The following HSD17B12 variants were observed in gnomAD, a reference collection of about 807,000 sequenced individuals.
The protein encoded by HSD17B12 is hydroxysteroid 17-beta dehydrogenase 12.
Under a neutral mutation model 39.3 loss-of-function variants are expected in HSD17B12, and 32 were observed. That is an observed-to-expected ratio of 0.81 (90% confidence interval 0.61 to 1.09). HSD17B12 has a LOEUF of 1.09. Among genes scored for constraint, HSD17B12 ranks in the 50% least tolerant of loss-of-function variants. The probability of loss-of-function intolerance (pLI) is 0.00; values close to 1 mark genes in which losing one functional copy is unlikely to be tolerated. For missense variants in HSD17B12, 342 were observed against 382.9 expected, an observed-to-expected ratio of 0.89 and a Z score of 0.89; for synonymous variants, 150 against 146.7, an observed-to-expected ratio of 1.02 and a Z score of -0.16.
At chr11:43,716,250 C>A (rs745583041) in intron 1 of HSD17B12, among the ~76,000 whole-genome samples, 2 of 152,060 alleles carry the variant, frequency 1.3e-5, no homozygotes, top group Non-Finnish European at 1.5e-5. Context: ...AATGGAGGGA[C>A]TGATGAAAAC....
intron 1 of HSD17B12, chr11:43,719,269 A>G (rs1029021564): frequency 2.0e-6 from 1 of 495,676 alleles, no homozygotes; most frequent in Non-Finnish European, 3.7e-6. Flanking sequence ...GGGCTTGGTC[A>G]AGACTCTTGT....
chr11:43,611,710 C>T, the HSD17B12 span, among the ~76,000 whole-genome samples: 2 of 152,168 alleles, frequency 1.3e-5, no homozygotes, highest in Non-Finnish European at 2.9e-5. Context: ...GTCAAGATGC[C>T]TCTAAAGGAT....
chr11:43,720,335 A>G (rs1950165370), intron 1 of HSD17B12, among the ~76,000 whole-genome samples: 1 of 152,248 alleles, frequency 6.6e-6, no homozygotes, highest in African/African-American at 2.4e-5. Context: ...AAATATCTTT[A>G]GCCAGTCAAT....
intron 3 of HSD17B12, among the ~76,000 whole-genome samples, chr11:43,768,087 T>G (rs561069031): frequency 6.6e-6 from 1 of 152,324 alleles, no homozygotes; most frequent in East Asian, 1.9e-4. Context: ...CACAACTAAC[T>G]GAGTTCTAAT....
At chr11:43,730,517 GA>G (rs917666939) in intron 1 of HSD17B12, among the ~76,000 whole-genome samples, 17 of 151,392 alleles carry the variant, frequency 1.1e-4, no homozygotes, top group Admixed American at 9.9e-4. Context: ...TCAGGGATGA[GA>G]AAAAAAAATT....
chr11:43,718,295 C>A (rs1053570517), intron 1 of HSD17B12, among the ~76,000 whole-genome samples: 1 of 152,224 alleles, frequency 6.6e-6, no homozygotes, highest in African/African-American at 2.4e-5. Flanking sequence ...TATCAATTCA[C>A]ATTTCTTCCA....
Position 43,839,992 on chromosome 11 carries a change from C to G in HSD17B12, c.619-7C>G, listed in dbSNP as rs374303276. The G allele has an allele frequency of 5.6e-6, 9 of 1,611,312 alleles. No individual in the cohort carries two copies. The highest frequency in any genetic ancestry group is 1.3e-5 in the African/African-American group (1 of 74,774). On this transcript the variant is annotated splice_region_variant and splice_polypyrimidine_tract_variant and intron_variant, in intron 8 of 10. Coordinates refer to ENST00000278353, the MANE Select transcript of HSD17B12 (RefSeq NM_016142.3). ...GTGTTTTCTTCTCACTCCCACTCCCCTCCCAGACTTTTGTAGATTTCTTCT... is the reference window on the plus strand; with the variant it reads ...GTGTTTTCTTCTCACTCCCACTCCCGTCCCAGACTTTTGTAGATTTCTTCT...
intron 1 of HSD17B12, among the ~76,000 whole-genome samples, 181 bp from the exon 2 acceptor site, chr11:43,750,730 C>CT (rs1376693246): frequency 6.6e-6 from 1 of 152,090 alleles, no homozygotes; most frequent in Non-Finnish European, 1.5e-5. Context: ...GTTTTGAAGT[C>CT]TTTTTAAAAT....
At chr11:43,778,821 TA>T (rs1437553407) in intron 3 of HSD17B12, among the ~76,000 whole-genome samples, 1 of 152,224 alleles carries the variant, frequency 6.6e-6, no homozygotes, top group Admixed American at 6.5e-5. Flanking sequence ...AACTCAAATT[TA>T]TTTCTTCAAG....
At chr11:43,798,186 A>G (rs967594459) in intron 3 of HSD17B12, 134 bp from the exon 4 acceptor site, 5 of 616,614 alleles carry the variant, frequency 8.1e-6, no homozygotes, top group African/African-American at 7.5e-5. Flanking sequence ...GCTTAAAATT[A>G]TCCTGGTGTA....
At chr11:43,574,331 A>G in the HSD17B12 span, among the ~76,000 whole-genome samples, 1 of 152,362 alleles carries the variant, frequency 6.6e-6, no homozygotes, top group Non-Finnish European at 1.5e-5. Flanking sequence ...CATCAAAGGA[A>G]ACCATTGCAG....
the HSD17B12 span, among the ~76,000 whole-genome samples, chr11:43,618,884 C>T: frequency 6.6e-6 from 1 of 151,798 alleles, no homozygotes; most frequent in African/African-American, 2.4e-5. Flanking sequence ...AAATAAAGGA[C>T]CACAGTTTTA....
At chr11:43,686,928 G>T (rs779011013) in intron 1 of HSD17B12, among the ~76,000 whole-genome samples, 3 of 152,160 alleles carry the variant, frequency 2.0e-5, no homozygotes, top group Non-Finnish European at 4.4e-5. Flanking sequence ...ATTGCTACTT[G>T]CAACTGAGAG....
At chr11:43,656,059 A>G in the HSD17B12 span, among the ~76,000 whole-genome samples, 1 of 152,160 alleles carries the variant, frequency 6.6e-6, no homozygotes, top group African/African-American at 2.4e-5. Context: ...TTGGTAAGCT[A>G]TTAATTATTG....
At chr11:43,578,628 G>GC in the HSD17B12 span, among the ~76,000 whole-genome samples, 1 of 151,928 alleles carries the variant, frequency 6.6e-6, no homozygotes, top group Admixed American at 6.6e-5. Context: ...CCCAAGCCTC[G>GC]CCCCTCTCAG....
chr11:43,557,878 T>G, the HSD17B12 span, among the ~76,000 whole-genome samples: 2 of 151,972 alleles, frequency 1.3e-5, no homozygotes, highest in African/African-American at 4.8e-5. Context: ...GGGGGGAGCC[T>G]GAGGTGGAGA....
the HSD17B12 span, among the ~76,000 whole-genome samples, chr11:43,672,385 G>T: frequency 8.6e-5 from 13 of 152,026 alleles, no homozygotes; most frequent in African/African-American, 3.1e-4. Context: ...CTTGGTTCTA[G>T]AAACAGGCCT....
chr11:43,829,617 A>AC (rs1225164491), intron 6 of HSD17B12: 1 of 152,112 alleles, frequency 6.6e-6, no homozygotes, highest in African/African-American at 2.4e-5. Flanking sequence ...GGCAGTGGCT[A>AC]CCCCTTCTGG....
At chr11:43,628,668 A>G in the HSD17B12 span, among the ~76,000 whole-genome samples, 3 of 152,076 alleles carry the variant, frequency 2.0e-5, no homozygotes, top group African/African-American at 7.2e-5. Flanking sequence ...TATTATGCCA[A>G]TGATAGAGCT....
Sources: gnomAD v4.1 joint callset for allele counts (sites outside exome capture counted in the v4.1 genomes callset) on GRCh38, gnomAD v4.1.1 for gene constraint, MANE v1.5 for transcripts, NCBI Gene and HGNC (gene_info 2026-07-23, HGNC 2026-07-21) for gene names.